The following PDCD1LG2 variants were observed in gnomAD, a reference collection of about 807,000 sequenced individuals.
PDCD1LG2 encodes the protein B7 dendritic cell molecule.
A neutral mutation model predicts 28.2 loss-of-function variants in PDCD1LG2; 32 were observed. That is an observed-to-expected ratio of 1.13 (90% confidence interval 0.86 to 1.52). The LOEUF (loss-of-function observed/expected upper bound fraction) is 1.52, where lower values mean the gene tolerates loss of function less well. PDCD1LG2 is among the 40% of genes most tolerant of loss of function. The pLI is 0.00. For missense variants in PDCD1LG2, 385 were observed against 323.8 expected (o/e 1.19, Z -1.45); for synonymous variants, 116 against 120.2 (o/e 0.97, Z 0.23).
chr9:5,560,007 C>T (rs1304112371), intron 5 of PDCD1LG2, among the ~76,000 whole-genome samples: 1 of 152,174 alleles, frequency 6.6e-6, no homozygotes, highest in East Asian at 1.9e-4. Flanking sequence ...TTGGAGTCAT[C>T]TTTTAAATCT....
intron 4 of PDCD1LG2, among the ~76,000 whole-genome samples, chr9:5,552,104 C>G (rs1371673207): frequency 6.6e-6 from 1 of 152,180 alleles, no homozygotes; most frequent in African/African-American, 2.4e-5. Flanking sequence ...ATGCCCTTAA[C>G]AGACTGGGGT....
At chr9:5,537,353 A>T (rs1283296181) in intron 3 of PDCD1LG2, among the ~76,000 whole-genome samples, 1 of 152,218 alleles carries the variant, frequency 6.6e-6, no homozygotes, top group Non-Finnish European at 1.5e-5. Context: ...ATAATTTGGA[A>T]AAGAGAGCCA....
At chr9:5,552,139 A>T (rs1469390934) in intron 4 of PDCD1LG2, among the ~76,000 whole-genome samples, 1 of 152,132 alleles carries the variant, frequency 6.6e-6, no homozygotes, top group Non-Finnish European at 1.5e-5. Flanking sequence ...TTTCATTATC[A>T]CTGGATATGG....
At chr9:5,540,525 A>G (rs781267930) in intron 3 of PDCD1LG2, among the ~76,000 whole-genome samples, 8 of 152,202 alleles carry the variant, frequency 5.3e-5, no homozygotes, top group Non-Finnish European at 1.2e-4. Context: ...TAGAAATGAA[A>G]TGGAGATATT....
At chr9:5,547,672 C>T (rs1254698255) in intron 3 of PDCD1LG2, among the ~76,000 whole-genome samples, 2 of 152,172 alleles carry the variant, frequency 1.3e-5, no homozygotes. Flanking sequence ...CACAGTGGCT[C>T]ATGCCTGTAA....
At chr9:5,563,351 T>C (rs1816604003) in intron 6 of PDCD1LG2, 140 bp downstream of exon 6, 5 of 761,118 alleles carry the variant, frequency 6.6e-6, no homozygotes, top group Middle Eastern at 3.5e-4. Flanking sequence ...TTGGTAGCAT[T>C]TCAGCGAAGC....
At chr9:5,548,839 A>C (rs1212274905) in intron 3 of PDCD1LG2, among the ~76,000 whole-genome samples, 1 of 152,188 alleles carries the variant, frequency 6.6e-6, no homozygotes, top group Non-Finnish European at 1.5e-5. Flanking sequence ...TAAAAAGTAA[A>C]TTTTTGCCTG....
chr9:5,525,876 G>A (rs1000569535), intron 2 of PDCD1LG2, among the ~76,000 whole-genome samples: 8 of 151,884 alleles, frequency 5.3e-5, no homozygotes, highest in African/African-American at 1.4e-4. Flanking sequence ...GTGAAACCTC[G>A]TCTCTACAAA....
chr9:5,521,288 T>C (rs1439921832), intron 1 of PDCD1LG2, among the ~76,000 whole-genome samples: 5 of 152,140 alleles, frequency 3.3e-5, no homozygotes, highest in African/African-American at 1.2e-4. Flanking sequence ...GTTCTAAAAT[T>C]GGATAATAGT....
chr9:5,551,519 G>A (rs1816333340), intron 4 of PDCD1LG2, among the ~76,000 whole-genome samples: 3 of 152,180 alleles, frequency 2.0e-5, no homozygotes. Context: ...TGTCTACTCA[G>A]ACAAAGAATT....
At chr9:5,551,299 TCA>T (rs1268001004) in intron 4 of PDCD1LG2, among the ~76,000 whole-genome samples, 3 of 152,204 alleles carry the variant, frequency 2.0e-5, no homozygotes, top group Non-Finnish European at 4.4e-5. Flanking sequence ...TCATTGTATT[TCA>T]CAGTTTGCCC....
chr9:5,542,543 T>A (rs1191414938), intron 3 of PDCD1LG2, among the ~76,000 whole-genome samples: 1 of 152,040 alleles, frequency 6.6e-6, no homozygotes, highest in African/African-American at 2.4e-5. Flanking sequence ...AATAGACAAT[T>A]CTCACAAGGA....
intron 3 of PDCD1LG2, among the ~76,000 whole-genome samples, chr9:5,547,505 T>C (rs891483782): frequency 6.6e-6 from 1 of 152,240 alleles, no homozygotes; most frequent in African/African-American, 2.4e-5. Context: ...TCTTGGAATA[T>C]CATGCCTATT....
intron 3 of PDCD1LG2, among the ~76,000 whole-genome samples, chr9:5,541,550 A>G (rs1017782366): frequency 1.3e-5 from 2 of 152,144 alleles, no homozygotes; most frequent in African/African-American, 4.8e-5. Context: ...TAGCTCTGCT[A>G]TACACCAACA....
At chr9:5,561,009 C>T (rs1816548653) in intron 5 of PDCD1LG2, among the ~76,000 whole-genome samples, 3 of 152,072 alleles carry the variant, frequency 2.0e-5, no homozygotes, top group Non-Finnish European at 4.4e-5. Flanking sequence ...TTCAAGAATA[C>T]AGTAACTGTG....
At chr9:5,516,113 G>A (rs922376048) in intron 1 of PDCD1LG2, among the ~76,000 whole-genome samples, 6 of 151,670 alleles carry the variant, frequency 4.0e-5, no homozygotes, top group Non-Finnish European at 5.9e-5. Context: ...GTGCAGTGGC[G>A]CAATCTCGGC....
chr9:5,511,396 A>G (rs1389155797), intron 1 of PDCD1LG2, among the ~76,000 whole-genome samples: 1 of 152,208 alleles, frequency 6.6e-6, no homozygotes, highest in Non-Finnish European at 1.5e-5. Flanking sequence ...AATTAAACAG[A>G]ACTGAAATAA....
At chr9:5,547,230 C>T (rs1185370892) in intron 3 of PDCD1LG2, among the ~76,000 whole-genome samples, 3 of 152,222 alleles carry the variant, frequency 2.0e-5, no homozygotes, top group Non-Finnish European at 4.4e-5. Flanking sequence ...CCTATTTATA[C>T]TTCCAACAAT....
At chr9:5,515,938 A>G (rs1483113027) in intron 1 of PDCD1LG2, among the ~76,000 whole-genome samples, 9 of 149,282 alleles carry the variant, frequency 6.0e-5, no homozygotes, top group Admixed American at 1.3e-4. Flanking sequence ...AAAAAAAAAA[A>G]AAAAAAAAAA....
Sources: allele counts gnomAD v4.1 joint callset (sites outside exome capture counted in the v4.1 genomes callset), GRCh38; gene constraint gnomAD v4.1.1; transcripts MANE v1.5; gene names NCBI Gene and HGNC (gene_info 2026-07-23, HGNC 2026-07-21).